Variants in AKAP3 observed in about 807,000 individuals in gnomAD.
AKAP3 encodes the protein A-kinase anchoring protein 3.
A neutral mutation model predicts 57.2 loss-of-function variants in AKAP3; 27 were observed. The observed-to-expected ratio is 0.47, with a 90% CI of 0.35 to 0.65. The LOEUF is 0.65. Ranked by LOEUF, AKAP3 falls within the 30% of genes least tolerant of loss-of-function variation. The pLI is 0.01. For synonymous variants in AKAP3, 334 were observed against 392.3 expected (o/e 0.85, Z 1.76); for missense variants, 959 against 1,040.0 (o/e 0.92, Z 1.07).
intron 2 of AKAP3, among the ~76,000 whole-genome samples, chr12:4,644,804 C>T (rs575726528): frequency 6.6e-6 from 1 of 152,258 alleles, no homozygotes; most frequent in African/African-American, 2.4e-5. Flanking sequence ...ATCTCAGCTA[C>T]TCGGGAGTCT....
In AKAP3 at chr12:4,615,649, T is replaced by C. The variant is rs1206891549; in HGVS notation, c.*90A>G. The C allele has an allele frequency of 2.8e-6, 4 of 1,451,926 alleles. 1 individual carries two copies. Among genetic ancestry groups the C allele is most frequent in the African/African-American group, 1.4e-5 (1 of 71,220 alleles). The allele number at this position is 1,451,926 out of a possible 1,614,324, so 89.9% of individuals were successfully genotyped here. A position where few individuals can be genotyped will look rare whatever the true frequency, so the allele number is the denominator to read the frequency against. On this transcript the variant is annotated 3_prime_UTR_variant, in exon 6 of 6. Transcript: ENST00000228850. ...AGATAATGTTAGGGCTCTGTGAGGATATAGAGGGGGAGATGTGGAAGTGAG... is the reference window on the plus strand; with the variant it reads ...AGATAATGTTAGGGCTCTGTGAGGACATAGAGGGGGAGATGTGGAAGTGAG...
intron 4 of AKAP3, among the ~76,000 whole-genome samples, chr12:4,632,632 G>GTTTGTT (rs372895920): frequency 4.8e-3 from 729 of 151,858 alleles, no homozygotes; most frequent in African/African-American, 0.016. Context: ...CTTTTTGTTT[G>GTTTGTT]TTTGTTTTTG....
At chr12:4,632,613 A>G (rs1945511988) in intron 4 of AKAP3, among the ~76,000 whole-genome samples, 1 of 152,058 alleles carries the variant, frequency 6.6e-6, no homozygotes, top group African/African-American at 2.4e-5. Flanking sequence ...GACAGTAAAT[A>G]ACAGAGGGCT....
chr12:4,619,111 T>C (rs2137424232), intron 5 of AKAP3, among the ~76,000 whole-genome samples: 1 of 152,300 alleles, frequency 6.6e-6, no homozygotes, highest in Non-Finnish European at 1.5e-5. Flanking sequence ...GTAGGCCAAA[T>C]GAAATGCACA....
intron 5 of AKAP3, among the ~76,000 whole-genome samples, chr12:4,616,918 T>C (rs1945292089): frequency 6.6e-6 from 1 of 152,070 alleles, no homozygotes; most frequent in Non-Finnish European, 1.5e-5. Context: ...GAAGAAATAA[T>C]AGATGAGAGT....
intron 4 of AKAP3, chr12:4,635,251 GA>G (rs2137442072): frequency 3.4e-6 from 1 of 290,596 alleles, no homozygotes; most frequent in East Asian, 8.1e-5. Context: ...GTCTCTTTTG[GA>G]AGTCATACTG....
intron 4 of AKAP3, among the ~76,000 whole-genome samples, chr12:4,631,607 G>A (rs112197826): frequency 2.1e-5 from 3 of 141,766 alleles, no homozygotes; most frequent in Non-Finnish European, 4.5e-5. Context: ...ACACACACAC[G>A]CACACAAACA....
At chr12:4,638,577 A>T (rs1319905678) in intron 3 of AKAP3, among the ~76,000 whole-genome samples, 1 of 152,236 alleles carries the variant, frequency 6.6e-6, no homozygotes, top group Non-Finnish European at 1.5e-5. Flanking sequence ...TGACCAAAAT[A>T]GAATTAATTT....
intron 4 of AKAP3, among the ~76,000 whole-genome samples, chr12:4,630,462 G>A (rs564247003): frequency 3.2e-3 from 457 of 141,298 alleles, no homozygotes; most frequent in Non-Finnish European, 4.9e-3. Context: ...TTGATTACTT[G>A]GAAAGAAAAG....
intron 3 of AKAP3, among the ~76,000 whole-genome samples, chr12:4,639,417 A>G (rs1021225389): frequency 1.3e-5 from 2 of 151,946 alleles, no homozygotes; most frequent in Admixed American, 6.6e-5. Context: ...ATTTAATTTA[A>G]TTTAATTTTT....
intron 4 of AKAP3, among the ~76,000 whole-genome samples, chr12:4,633,508 C>T (rs1414151529): frequency 3.9e-5 from 6 of 151,998 alleles, no homozygotes; most frequent in Admixed American, 1.3e-4. Context: ...ACTAAGTACC[C>T]ACATTCATTT....
At chr12:4,620,321 C>A (rs953709687) in intron 5 of AKAP3, among the ~76,000 whole-genome samples, 7 of 151,788 alleles carry the variant, frequency 4.6e-5, no homozygotes, top group African/African-American at 1.7e-4. Flanking sequence ...GAAACCCCGT[C>A]TCTACTAAAA....
At chr12:4,631,838 T>G (rs1945502134) in intron 4 of AKAP3, among the ~76,000 whole-genome samples, 1 of 152,236 alleles carries the variant, frequency 6.6e-6, no homozygotes, top group Admixed American at 6.5e-5. Context: ...CTTTTCTTAT[T>G]TATCAGTGTT....
At chr12:4,617,521 G>C (rs1354386552) in intron 5 of AKAP3, among the ~76,000 whole-genome samples, 1 of 152,222 alleles carries the variant, frequency 6.6e-6, no homozygotes, top group Non-Finnish European at 1.5e-5. Flanking sequence ...GGGAGGCTGA[G>C]GCAGGAAGAT....
intron 1 of AKAP3, among the ~76,000 whole-genome samples, chr12:4,646,532 C>G (rs1050758642): frequency 7.2e-5 from 11 of 151,884 alleles, no homozygotes; most frequent in Non-Finnish European, 1.5e-4. Context: ...ATTAGCCAGG[C>G]ATGGTGGTAC....
At chr12:4,643,790 T>C (rs953168489) in intron 2 of AKAP3, among the ~76,000 whole-genome samples, 6 of 152,196 alleles carry the variant, frequency 3.9e-5, no homozygotes, top group African/African-American at 1.4e-4. Context: ...TCCTAGACCA[T>C]AGCTCTATCT....
rs77632031 is a variant in AKAP3 at position 4,625,692 on chromosome 12, TGAGAGA to T, written c.2406+798_2406+803del. ...ATCAAAAGCACTGAGGAAGAGAAAA[TGAGAGA>T]GAGAGAGAGAGAGAGAGAGCAAGCG... is the stretch of plus-strand genomic sequence containing the variant. On this transcript the variant is annotated intron_variant, in intron 5 of 5. Coordinates refer to ENST00000228850, the MANE Select transcript of AKAP3 (RefSeq NM_001278309.2). This position sits in a 1 kb window ranked among gnomAD's most constrained non-coding sequence, Gnocchi z 5.4. 0.1 allele frequency among the ~76,000 whole-genome samples: 15,260 copies of T among 146,444 alleles called. 1,028 individuals carry two copies. The highest frequency in any genetic ancestry group is 0.28 in the East Asian group (1,368 of 4,926).
At position 4,628,907 on chromosome 12, in the gene AKAP3, G is replaced by A. The variant is rs1314340326; in HGVS notation, c.97-102C>T. The A allele has an allele frequency of 2.6e-5, 33 of 1,263,750 alleles. No homozygotes were observed. In the East Asian group the frequency reaches 7.5e-4, roughly 29 times the overall value. 78.3% of individuals were successfully genotyped at this position (1,263,750 alleles called of 1,614,324 possible). The stretch of plus-strand genomic sequence containing the variant: ...TTACAAATGTCATCAGCCCTCTCAA[G>A]CTTGCTCCATCTTGGCAATAAAAGT... On this transcript the variant is annotated intron_variant, in intron 4 of 5. Coordinates refer to ENST00000228850, the MANE Select transcript of AKAP3 (RefSeq NM_001278309.2).
At chr12:4,640,067 C>T (rs905384613) in intron 3 of AKAP3, among the ~76,000 whole-genome samples, 22 of 152,146 alleles carry the variant, frequency 1.4e-4, no homozygotes, top group Non-Finnish European at 2.6e-4. Flanking sequence ...CCACCCGCCT[C>T]GGCCTCCCAA....
Sources: allele counts gnomAD v4.1 joint callset (sites outside exome capture counted in the v4.1 genomes callset), GRCh38; gene constraint gnomAD v4.1.1; non-coding constraint Gnocchi (gnomAD v3.1); transcripts MANE v1.5; gene names NCBI Gene and HGNC (gene_info 2026-07-23, HGNC 2026-07-21).